The following ABLIM2 variants were observed in gnomAD, a reference collection of about 807,000 sequenced individuals.
ABLIM2 encodes actin-binding LIM protein 2.
ABLIM2 carries 53 observed loss-of-function variants against 97.7 expected under a neutral mutation model. The observed-to-expected ratio is 0.54, with a 90% CI of 0.44 to 0.68. ABLIM2 has a LOEUF of 0.68. Among genes scored for constraint, ABLIM2 ranks in the 30% least tolerant of loss-of-function variants. The probability of loss-of-function intolerance (pLI) is 0.00; values close to 1 mark genes in which losing one functional copy is unlikely to be tolerated. For missense variants in ABLIM2, 835 were observed against 867.2 expected, an observed-to-expected ratio of 0.96 and a Z score of 0.47; for synonymous variants, 361 against 345.8, an observed-to-expected ratio of 1.04 and a Z score of -0.49.
At chr4:8,076,301 G>A (rs1264811306) in intron 6 of ABLIM2, among the ~76,000 whole-genome samples, 4 of 152,188 alleles carry the variant, frequency 2.6e-5, no homozygotes, top group Admixed American at 2.0e-4. Flanking sequence ...GCCACTCTGC[G>A]CTCACTGTTC....
At position 7,970,061 on chromosome 4, in the gene ABLIM2, G is replaced by A. The variant is rs143317415; in HGVS notation, c.1825-2958C>T. On this transcript the variant is annotated intron_variant, in intron 20 of 20. Coordinates refer to ENST00000447017, the MANE Select transcript of ABLIM2 (RefSeq NM_001130083.2). The surrounding 1 kb of genome is among the most constrained non-coding windows in gnomAD (Gnocchi z 5.3). ...TGAATTATGGTGGAACAATCAAGAC[G>A]GATGAGATCAAAGGAAAGAAAAAGG... Among the ~76,000 whole-genome samples, 23 of 152,238 alleles carry A rather than the reference G, an allele frequency of 1.5e-4. No individual in the cohort carries two copies. The East Asian group carries it at 2.7e-3, about 18-fold the overall frequency.
In ABLIM2 at chr4:8,122,527, G is replaced by A. The variant is rs1044699406; in HGVS notation, c.11-15890C>T. On this transcript the variant is annotated intron_variant, in intron 1 of 20. Coordinates refer to ENST00000447017, the MANE Select transcript of ABLIM2 (RefSeq NM_001130083.2). This position sits in a 1 kb window ranked among gnomAD's most constrained non-coding sequence, Gnocchi z 4.1. ...TGTGTCCTCACAAGGCAGAGAGCGC[G>A]CTCTGGGCAGGAGTCCCATCATGAG... Among the ~76,000 whole-genome samples, 3 of 152,136 alleles carry A rather than the reference G, an allele frequency of 2.0e-5. No individual in the cohort carries two copies. The highest frequency in any genetic ancestry group is 2.9e-5 in the Non-Finnish European group (2 of 68,012).
intron 5 of ABLIM2, among the ~76,000 whole-genome samples, chr4:8,080,408 T>C (rs1476382915): frequency 6.6e-6 from 1 of 152,148 alleles, no homozygotes; most frequent in Admixed American, 6.5e-5. Flanking sequence ...CCCTGGTAGC[T>C]CTGCTTCTCA....
intron 3 of ABLIM2, among the ~76,000 whole-genome samples, chr4:8,096,751 A>T (rs1056306383): frequency 6.6e-6 from 1 of 152,162 alleles, no homozygotes; most frequent in Non-Finnish European, 1.5e-5. Flanking sequence ...CCACGTAGGA[A>T]GGCTCCTGCT....
At position 8,106,534 on chromosome 4, in the gene ABLIM2, C is replaced by T; in HGVS notation, c.114G>A (p.Val38=). Residue 38 remains valine, a synonymous_variant, in exon 2 of 21, where the codon GTG becomes GTA. Transcript: ENST00000447017. ...ACTTGATGTGGAAGTACTTGTCCTG[C>T]ACCCGCAGCACCTCGCCCTTGCACA... ...GNVCKGEVLR[V]QDKYFHIKCF... The T allele has an allele frequency of 1.2e-6, 2 of 1,602,694 alleles. No individual in the cohort carries two copies. Among genetic ancestry groups the T allele is most frequent in the Non-Finnish European group, 1.7e-6 (2 of 1,174,950 alleles).
At chr4:7,975,564 C>T (rs764684546) in intron 20 of ABLIM2, among the ~76,000 whole-genome samples, 4 of 152,234 alleles carry the variant, frequency 2.6e-5, no homozygotes, top group Non-Finnish European at 5.9e-5. Context: ...TGCCCACATG[C>T]TGCTCCACTA....
rs149742286 is a variant in ABLIM2, at chr4:8,025,507, C to A, written c.1267+2252G>T. Among the ~76,000 whole-genome samples, 1,269 of 152,254 alleles carry A rather than the reference C, an allele frequency of 8.3e-3. 22 individuals are homozygous for A. Among genetic ancestry groups the A allele is most frequent in the African/African-American group, 0.029 (1,207 of 41,558 alleles). On this transcript the variant is annotated intron_variant, in intron 12 of 20. Transcript: ENST00000447017. The stretch of plus-strand genomic sequence containing the variant: ...AAGGCGTGGAAGGAAGGGGAGAGGG[C>A]TGCCAGTCCTTGGGCTCTCTCCTTG...
chr4:8,053,871 A>G (rs1579938588), intron 8 of ABLIM2, among the ~76,000 whole-genome samples: 2 of 152,206 alleles, frequency 1.3e-5, no homozygotes, highest in East Asian at 3.9e-4. Context: ...GACGGCTCTC[A>G]TCAGATGCCG....
Position 8,088,152 on chromosome 4 carries a change from A to C in ABLIM2, c.454+17T>G. The C allele has an allele frequency of 7.2e-7, 1 of 1,386,304 alleles. No individual in the cohort carries two copies. Among genetic ancestry groups the C allele is most frequent in the Non-Finnish European group, 9.5e-7 (1 of 1,047,832 alleles). The allele number at this position is 1,386,304 out of a possible 1,614,324, so 85.9% of individuals were successfully genotyped here. ...GCATGCCCCCACTCAACATGCCCCCACTCAGCGCCCACTTACTTCGGAGGC... is the reference window on the plus strand; with the variant it reads ...GCATGCCCCCACTCAACATGCCCCCCCTCAGCGCCCACTTACTTCGGAGGC... On this transcript the variant is annotated intron_variant, in intron 4 of 20. Coordinates refer to ENST00000447017, the MANE Select transcript of ABLIM2 (RefSeq NM_001130083.2).
At chr4:7,978,319 C>T (rs772210051) in intron 20 of ABLIM2, among the ~76,000 whole-genome samples, 8 of 152,280 alleles carry the variant, frequency 5.3e-5, no homozygotes, top group East Asian at 1.9e-4. Context: ...GGACTAGGGT[C>T]GCACCCTTGG....
intron 11 of ABLIM2, among the ~76,000 whole-genome samples, chr4:8,029,319 T>C (rs1213035689): frequency 6.6e-6 from 1 of 152,152 alleles, no homozygotes. Flanking sequence ...TATGCTGTCT[T>C]ATCTTCCTGA....
At chr4:8,143,351 T>C (rs1481999285) in intron 1 of ABLIM2, among the ~76,000 whole-genome samples, 1 of 152,158 alleles carries the variant, frequency 6.6e-6, no homozygotes, top group African/African-American at 2.4e-5. Context: ...GAGCACGTAC[T>C]ACCAGCCAGG....
chr4:7,997,264 G>A (rs1560496957), intron 16 of ABLIM2, among the ~76,000 whole-genome samples: 2 of 152,244 alleles, frequency 1.3e-5, no homozygotes, highest in South Asian at 4.2e-4. Context: ...TAGAGACAGG[G>A]TTTCACCATG....
chr4:8,088,623 A>C (rs376244061), intron 3 of ABLIM2, among the ~76,000 whole-genome samples: 140 of 152,278 alleles, frequency 9.2e-4, no homozygotes, highest in Middle Eastern at 3.4e-3. Flanking sequence ...CCTCCAGCCC[A>C]CCCTGCCTTC....
At chr4:8,056,108 G>C (rs371155800) in intron 7 of ABLIM2, among the ~76,000 whole-genome samples, 2 of 29,720 alleles carry the variant, frequency 6.7e-5, no homozygotes, top group African/African-American at 3.0e-4. Context: ...GCAAGACTCT[G>C]TCTCAAAAAA....
chr4:7,989,072 C>CTTTTTTTTTTTTTTTTTT (rs71175445), intron 17 of ABLIM2, among the ~76,000 whole-genome samples: 2 of 81,332 alleles, frequency 2.5e-5, no homozygotes, highest in Non-Finnish European at 4.5e-5. Context: ...ACACATTAGT[C>CTTTTTTTTTTTTTTTTTT]TTTTTTTTTT....
In ABLIM2 at chr4:8,029,744, A is replaced by G. The variant is rs2385904; in HGVS notation, c.1080T>C (p.Cys360=). The change falls in exon 11 of 21, where the codon TGT becomes TGC. Residue 360 remains cysteine (C), a synonymous_variant. Coordinates refer to ENST00000447017, the MANE Select transcript of ABLIM2 (RefSeq NM_001130083.2). ...CAGTGGAGCTTGGGCTGGAGGTCCG[A>G]CACTGCTTGTAGGACCGGTCATCCT... is the stretch of plus-strand genomic sequence containing the variant. ...GDQDDRSYKQ[C]RTSSPSSTGS... 0.74 allele frequency: 1,151,528 copies of G among 1,562,492 alleles called. 425,428 individuals are homozygous for G. The highest frequency in any genetic ancestry group is 0.79 in the African/African-American group (58,288 of 73,634).
Position 8,001,725 on chromosome 4 carries a change from G to GC in ABLIM2, c.1618+6333dup, listed in dbSNP as rs1335624901. 6.6e-6 allele frequency among the ~76,000 whole-genome samples: 1 copy of GC among 152,082 alleles called. No individual in the cohort carries two copies. Among genetic ancestry groups the GC allele is most frequent in the African/African-American group, 2.4e-5 (1 of 41,414 alleles). ...TGGATGCCAAGGTGGCCACGCCTGA[G>GC]CCCCCAGCTCTCCCTGGGCTGTCCC... On this transcript the variant is annotated intron_variant, in intron 16 of 20. Transcript: ENST00000447017. This position sits in a 1 kb window ranked among gnomAD's most constrained non-coding sequence, Gnocchi z 4.2.
chr4:8,115,459 C>T (rs1269192651), intron 1 of ABLIM2, among the ~76,000 whole-genome samples: 1 of 152,300 alleles, frequency 6.6e-6, no homozygotes, highest in East Asian at 1.9e-4. Context: ...CAGCCCCCTG[C>T]CAGTGCCTGA....
Sources: gnomAD v4.1 joint callset for allele counts (sites outside exome capture counted in the v4.1 genomes callset) on GRCh38, gnomAD v4.1.1 for gene constraint, Gnocchi (gnomAD v3.1) non-coding constraint, MANE v1.5 for transcripts, NCBI Gene and HGNC (gene_info 2026-07-23, HGNC 2026-07-21) for gene names.